Variants in CACNA2D3 observed in about 807,000 individuals in gnomAD.
CACNA2D3 encodes the protein calcium voltage-gated channel auxiliary subunit alpha2delta 3.
In CACNA2D3, 60 loss-of-function variants were observed where a neutral mutation model predicts 160.6. The observed-to-expected ratio is 0.37, with a 90% CI of 0.30 to 0.46. CACNA2D3 has a LOEUF of 0.46. Among genes scored for constraint, CACNA2D3 ranks in the 20% least tolerant of loss-of-function variants. CACNA2D3 has a pLI of 1.00. For missense variants in CACNA2D3, 1,205 were observed against 1,365.0 expected, an observed-to-expected ratio of 0.88 and a Z score of 1.85; for synonymous variants, 558 against 492.9, an observed-to-expected ratio of 1.13 and a Z score of -1.75.
chr3:54,610,287 G>A (rs968371592), intron 9 of CACNA2D3, among the ~76,000 whole-genome samples: 6 of 152,162 alleles, frequency 3.9e-5, no homozygotes, highest in Non-Finnish European at 8.8e-5. Flanking sequence ...CATAATACCT[G>A]CCAAGTACTT....
chr3:54,181,299 A>G (rs1700778492), intron 2 of CACNA2D3, among the ~76,000 whole-genome samples: 1 of 152,222 alleles, frequency 6.6e-6, no homozygotes, highest in Non-Finnish European at 1.5e-5. Context: ...TTTAGCAGTA[A>G]CAACAACCAT....
At chr3:54,750,606 A>G (rs1490914666) in intron 11 of CACNA2D3, among the ~76,000 whole-genome samples, 2 of 152,144 alleles carry the variant, frequency 1.3e-5, no homozygotes, top group African/African-American at 4.8e-5. Flanking sequence ...ATGAGCTGCA[A>G]CTTTGATGAA....
At chr3:54,741,481 A>C (rs1464034209) in intron 11 of CACNA2D3, among the ~76,000 whole-genome samples, 1 of 152,134 alleles carries the variant, frequency 6.6e-6, no homozygotes, top group East Asian at 1.9e-4. Flanking sequence ...TTGCTGGGCA[A>C]GGTGGCTCAA....
intron 11 of CACNA2D3, among the ~76,000 whole-genome samples, chr3:54,710,377 A>G (rs1201641788): frequency 6.6e-6 from 1 of 152,234 alleles, no homozygotes; most frequent in Non-Finnish European, 1.5e-5. Flanking sequence ...TCACATTCCA[A>G]TATGATGCAG....
At chr3:54,820,490 C>A (rs909153523) in intron 14 of CACNA2D3, among the ~76,000 whole-genome samples, 5 of 152,110 alleles carry the variant, frequency 3.3e-5, no homozygotes, top group Non-Finnish European at 7.3e-5. Context: ...AATTCCTAGA[C>A]TCTATAAATT....
At chr3:54,626,123 A>C in intron 9 of CACNA2D3, 1 of 615,218 alleles carries the variant, frequency 1.6e-6, no homozygotes, top group Non-Finnish European at 2.9e-6. Context: ...CTTTGGGGAG[A>C]AAATAATCCA....
At chr3:54,763,582 C>T (rs545482799) in intron 12 of CACNA2D3, among the ~76,000 whole-genome samples, 9 of 148,424 alleles carry the variant, frequency 6.1e-5, no homozygotes, top group African/African-American at 2.0e-4. Context: ...GTCATTTGTA[C>T]CAGGGAATAA....
rs545586322 is a variant in CACNA2D3, at chr3:54,798,038, C to T, written c.1381-18815C>T. Among the ~76,000 whole-genome samples the T allele has an allele frequency of 5.3e-5, 8 of 152,230 alleles. No individual in the cohort carries two copies. The East Asian group carries it at 5.8e-4, about 11-fold the overall frequency. ...TGCCCCTCTCCAACTTTGAAAATCC[C>T]GTGAAAAGTGTGACACTTAAAATAT... On this transcript the variant is annotated intron_variant, in intron 13 of 37. Coordinates refer to ENST00000474759, the MANE Select transcript of CACNA2D3 (RefSeq NM_018398.3).
At chr3:54,909,368 G>A (rs545847700) in intron 27 of CACNA2D3, among the ~76,000 whole-genome samples, 70 of 151,042 alleles carry the variant, frequency 4.6e-4, no homozygotes, top group African/African-American at 1.6e-3. Context: ...TTATTTAACC[G>A]CCTTTATCCA....
rs1255347602 is a variant in CACNA2D3, at chr3:54,454,015, G to A, written c.382-49477G>A. Among the ~76,000 whole-genome samples the A allele has an allele frequency of 3.3e-5, 5 of 152,258 alleles. No homozygotes were observed. In the South Asian group the frequency reaches 1.0e-3, roughly 32 times the overall value. On this transcript the variant is annotated intron_variant, in intron 4 of 37. Coordinates refer to ENST00000474759, the MANE Select transcript of CACNA2D3 (RefSeq NM_018398.3). ...AAGAAGGGGAGAGCCTTCTGGGCAG[G>A]CTAGCACTGATGTCCTTCTAATTTG...
chr3:54,741,394 T>G (rs1278582587), intron 11 of CACNA2D3, among the ~76,000 whole-genome samples: 1 of 152,130 alleles, frequency 6.6e-6, no homozygotes, highest in Non-Finnish European at 1.5e-5. Flanking sequence ...TTTGATCCAT[T>G]TCACAACATC....
intron 2 of CACNA2D3, chr3:54,272,962 C>T (rs1308620988): frequency 1.3e-5 from 2 of 152,274 alleles, no homozygotes; most frequent in Non-Finnish European, 2.9e-5. Context: ...CGCTTGAGAA[C>T]ATTAAAAGCC....
chr3:54,577,426 G>A (rs1007069100), intron 8 of CACNA2D3, among the ~76,000 whole-genome samples: 2 of 152,116 alleles, frequency 1.3e-5, no homozygotes, highest in African/African-American at 4.8e-5. Flanking sequence ...AGTGACATGT[G>A]CCTGATGACA....
chr3:54,317,250 G>C (rs1469030426), intron 2 of CACNA2D3, among the ~76,000 whole-genome samples: 2 of 152,234 alleles, frequency 1.3e-5, no homozygotes, highest in African/African-American at 4.8e-5. Context: ...GCTTGAGCCA[G>C]GTTTGGGCTG....
intron 3 of CACNA2D3, among the ~76,000 whole-genome samples, chr3:54,370,851 A>AC (rs1257540663): frequency 1.8e-4 from 27 of 151,946 alleles, no homozygotes; most frequent in Admixed American, 1.8e-3. Flanking sequence ...AAAAAAAAAA[A>AC]AACAGTACAC....
intron 2 of CACNA2D3, among the ~76,000 whole-genome samples, chr3:54,289,109 G>A (rs1056953299): frequency 5.3e-5 from 8 of 152,146 alleles, no homozygotes; most frequent in Admixed American, 2.6e-4. Flanking sequence ...AAAAGAGGAA[G>A]TCAAATTGTC....
At chr3:54,579,449 G>C (rs973440073) in intron 8 of CACNA2D3, among the ~76,000 whole-genome samples, 2 of 152,170 alleles carry the variant, frequency 1.3e-5, no homozygotes, top group African/African-American at 4.8e-5. Context: ...AAAAGAGTGA[G>C]TATAGATGAG....
chr3:54,676,097 G>C lies in CACNA2D3; in HGVS notation c.1167+33856G>C, dbSNP rs567274214. On this transcript the variant is annotated intron_variant, in intron 11 of 37. Transcript: ENST00000474759. ...TACTTCCCTGAGCCTCCAGTTCCTC[G>C]TCTTTAGTAACATCAACCACGCACA... is the stretch of plus-strand genomic sequence containing the variant. Among the ~76,000 whole-genome samples, 12 of 152,234 alleles carry C rather than the reference G, an allele frequency of 7.9e-5. No homozygotes were observed. In the South Asian group the frequency reaches 2.5e-3, roughly 32 times the overall value.
At chr3:54,811,375 C>G (rs971098739) in intron 13 of CACNA2D3, among the ~76,000 whole-genome samples, 1 of 151,258 alleles carries the variant, frequency 6.6e-6, no homozygotes, top group South Asian at 2.1e-4. Flanking sequence ...ATGATCCAGG[C>G]TATCATCTCG....
Sources: gnomAD v4.1 joint callset for allele counts (sites outside exome capture counted in the v4.1 genomes callset) on GRCh38, gnomAD v4.1.1 for gene constraint, MANE v1.5 for transcripts, NCBI Gene and HGNC (gene_info 2026-07-23, HGNC 2026-07-21) for gene names.